Variants in TMPO observed in about 807,000 individuals in gnomAD.
TMPO encodes thymopoietin.
TMPO carries 22 observed loss-of-function variants against 45.4 expected under a neutral mutation model. The observed-to-expected ratio is 0.48, with a 90% CI of 0.35 to 0.69. The LOEUF is 0.69. Among genes scored for constraint, TMPO ranks in the 30% least tolerant of loss-of-function variants. The pLI is 0.01. For synonymous variants in TMPO, 241 were observed against 204.1 expected, an observed-to-expected ratio of 1.18 and a Z score of -1.54; for missense variants, 512 against 548.8, an observed-to-expected ratio of 0.93 and a Z score of 0.67.
In TMPO at chr12:98,515,894, G is replaced by C. The variant is rs190115355; in HGVS notation, c.27G>C (p.Ser9=). The C allele has an allele frequency of 1.9e-6, 3 of 1,613,570 alleles. No homozygotes were observed. The highest frequency in any genetic ancestry group is 3.3e-5 in the Admixed American group (2 of 59,984). Residue 9 remains serine (S), a synonymous_variant, in exon 1 of 9, where the codon TCG becomes TCC. Coordinates refer to ENST00000556029, the MANE Select transcript of TMPO (RefSeq NM_001032283.3). The stretch of plus-strand genomic sequence containing the variant: ...TGCCGGAGTTCCTGGAAGACCCCTC[G>C]GTCCTGACAAAAGACAAGTTGAAGA... MPEFLEDP[S]VLTKDKLKSE...
chr12:98,530,525 G>A (rs970007804), intron 2 of TMPO, among the ~76,000 whole-genome samples: 2 of 152,128 alleles, frequency 1.3e-5, no homozygotes, highest in Non-Finnish European at 2.9e-5. Context: ...GTTAAGGAAA[G>A]ATAATACAGT....
chr12:98,522,952 G>A (rs978917992), intron 1 of TMPO, among the ~76,000 whole-genome samples: 25 of 152,180 alleles, frequency 1.6e-4, no homozygotes, highest in African/African-American at 6.0e-4. Flanking sequence ...TATACTAGAG[G>A]TAGAGATTAA....
intron 1 of TMPO, among the ~76,000 whole-genome samples, chr12:98,519,890 G>A (rs1031988680): frequency 2.0e-5 from 3 of 151,766 alleles, no homozygotes; most frequent in East Asian, 1.9e-4. Context: ...TATATTTTAC[G>A]TTTTGGTCAT....
chr12:98,529,066 T>TTG (rs1180354705), intron 2 of TMPO, among the ~76,000 whole-genome samples: 1 of 151,910 alleles, frequency 6.6e-6, no homozygotes, highest in Non-Finnish European at 1.5e-5. Context: ...TTTTTTTTTT[T>TTG]TTTTGAGACG....
intron 2 of TMPO, among the ~76,000 whole-genome samples, chr12:98,529,188 G>T (rs1877006674): frequency 6.6e-6 from 1 of 151,742 alleles, no homozygotes; most frequent in Non-Finnish European, 1.5e-5. Flanking sequence ...CGAATAGCTG[G>T]GATTACAGGC....
At chr12:98,529,146 C>T (rs1877002024) in intron 2 of TMPO, among the ~76,000 whole-genome samples, 1 of 151,634 alleles carries the variant, frequency 6.6e-6, no homozygotes, top group African/African-American at 2.4e-5. Flanking sequence ...CTCTGCCTCC[C>T]AGGTTCAAGC....
intron 1 of TMPO, chr12:98,527,565 C>A (rs7135956): frequency 1.5e-5 from 3 of 202,088 alleles, no homozygotes; most frequent in South Asian, 8.3e-5. Context: ...GAAAATGTTA[C>A]CCAAAGTCAG....
chr12:98,515,769 G>A lies in TMPO; in HGVS notation c.-99G>A. 1.9e-6 allele frequency: 3 copies of A among 1,546,868 alleles called. No individual in the cohort carries two copies. The highest frequency in any genetic ancestry group is 2.6e-6 in the Non-Finnish European group (3 of 1,145,842). ...CGCTCTTCCCGGGCAGGAGCCGTGA[G>A]GCTCGGAGGCGGCAGCGCGGTCCCC... On this transcript the variant is annotated 5_prime_UTR_variant, in exon 1 of 9. Transcript: ENST00000556029.
In TMPO at chr12:98,534,034, A is replaced by G. The variant is rs369840957; in HGVS notation, c.565+2196A>G. 33 of 1,608,458 alleles carry G rather than the reference A, an allele frequency of 2.1e-5. No homozygotes were observed. The highest frequency in any genetic ancestry group is 1.6e-4 in the African/African-American group (12 of 74,810). ...TCACACTGCCTTTGTAGCTAAGGCT[A>G]TGCAGGCAGACATTAGTCAAGCTGC... On this transcript the variant is annotated intron_variant, in intron 3 of 8. Coordinates refer to ENST00000556029, the MANE Select transcript of TMPO (RefSeq NM_001032283.3).
chr12:98,522,905 G>A (rs1201783780), intron 1 of TMPO, among the ~76,000 whole-genome samples: 4 of 152,156 alleles, frequency 2.6e-5, no homozygotes, highest in Non-Finnish European at 4.4e-5. Flanking sequence ...TACATAATAA[G>A]TGCCCACTAG....
intron 1 of TMPO, among the ~76,000 whole-genome samples, chr12:98,520,384 C>T (rs1483036489): frequency 2.0e-5 from 3 of 151,404 alleles, no homozygotes; most frequent in Non-Finnish European, 4.4e-5. Flanking sequence ...CTCACTGCAA[C>T]CTCTGCCTCC....
In TMPO at chr12:98,549,934, A is replaced by C. The variant is rs183276162; in HGVS notation, c.*2076A>C. ...CCTCTCTGAGTAAAATGTTTCTTTC[A>C]GATGAGCCATAGAGGGGGCACCTTT... On this transcript the variant is annotated 3_prime_UTR_variant, in exon 9 of 9. Transcript: ENST00000556029. 1.2e-4 allele frequency: 18 copies of C among 152,122 alleles called. No individual in the cohort carries two copies. In the East Asian group the frequency reaches 2.9e-3, roughly 24 times the overall value. The allele number at this position is 152,122 out of a possible 1,614,324, so 9.4% of individuals were successfully genotyped here.
At chr12:98,545,655 A>C (rs2121255164) in intron 7 of TMPO, among the ~76,000 whole-genome samples, 1 of 152,348 alleles carries the variant, frequency 6.6e-6, no homozygotes, top group East Asian at 1.9e-4. Context: ...AACATATAGT[A>C]AAGTTTGCTA....
At chr12:98,516,405 T>G (rs1875824094) in intron 1 of TMPO, 1 of 1,187,522 alleles carries the variant, frequency 8.4e-7, no homozygotes, top group East Asian at 3.7e-5. Context: ...GCGGTTGTTT[T>G]GCACGCAGTC....
At chr12:98,540,683 T>G (rs1420874262) in intron 4 of TMPO, among the ~76,000 whole-genome samples, 1 of 152,188 alleles carries the variant, frequency 6.6e-6, no homozygotes, top group Non-Finnish European at 1.5e-5. Context: ...TGGCGGAAAC[T>G]ATGTTTTAAT....
intron 1 of TMPO, among the ~76,000 whole-genome samples, chr12:98,521,379 T>G (rs12581231): frequency 0.075 from 11,365 of 152,150 alleles, 680 homozygotes; most frequent in East Asian, 0.25. Flanking sequence ...CCCAGAGTGC[T>G]GGGATTACAG....
chr12:98,544,063 A>G (rs1878074969), intron 4 of TMPO, 167 bp from the exon 5 acceptor site: 2 of 704,802 alleles, frequency 2.8e-6, no homozygotes, highest in Non-Finnish European at 4.7e-6. Flanking sequence ...TGATGCCTAA[A>G]TATCAGTTCA....
At chr12:98,518,921 G>A (rs961146320) in intron 1 of TMPO, among the ~76,000 whole-genome samples, 3 of 151,000 alleles carry the variant, frequency 2.0e-5, no homozygotes, top group Non-Finnish European at 2.9e-5. Flanking sequence ...TTGCTCTGTC[G>A]CCCAGTCTGG....
At chr12:98,518,514 T>G (rs1193105087) in intron 1 of TMPO, among the ~76,000 whole-genome samples, 1 of 148,262 alleles carries the variant, frequency 6.7e-6, no homozygotes. Flanking sequence ...GCTTTCTGTG[T>G]TGTCCAGGCT....
Sources: gnomAD v4.1 joint callset for allele counts (sites outside exome capture counted in the v4.1 genomes callset) on GRCh38, gnomAD v4.1.1 for gene constraint, MANE v1.5 for transcripts, NCBI Gene and HGNC (gene_info 2026-07-23, HGNC 2026-07-21) for gene names.